The following MARK3 variants were observed in gnomAD, a reference collection of about 807,000 sequenced individuals.
MARK3 encodes microtubule affinity regulating kinase 3.
MARK3 carries 46 observed loss-of-function variants against 90.1 expected under a neutral mutation model. The observed-to-expected ratio is 0.51, with a 90% confidence interval of 0.40 to 0.65. MARK3 has a LOEUF of 0.65. Ranked by LOEUF, MARK3 falls within the 30% of genes least tolerant of loss-of-function variation. The pLI is 0.00. For synonymous variants in MARK3, 321 were observed against 332.6 expected, an observed-to-expected ratio of 0.97 and a Z score of 0.38; for missense variants, 818 against 947.2, an observed-to-expected ratio of 0.86 and a Z score of 1.79.
intron 2 of MARK3, among the ~76,000 whole-genome samples, chr14:103,405,748 A>ATT (rs869133624): frequency 1.2e-3 from 168 of 140,948 alleles, no homozygotes; most frequent in South Asian, 2.3e-3. Context: ...CACCACGCTA[A>ATT]TTTTTTTTTT....
chr14:103,479,878 G>C (rs918991770), intron 13 of MARK3, among the ~76,000 whole-genome samples: 3 of 152,080 alleles, frequency 2.0e-5, no homozygotes, highest in Non-Finnish European at 2.9e-5. Context: ...CACCTCAGGA[G>C]ATCCGCCCAC....
chr14:103,475,164 A>C lies in MARK3; in HGVS notation c.1436A>C (p.Asn479Thr), dbSNP rs747108602. ...ATGCTTGGGAATGCAAGTAATCCTA[A>C]TAAGGCGGATATTCCTGAACGCAAG... ...SPMLGNASNP[N>T]KADIPERKKS... Residue 479 changes from asparagine (N) to threonine (T), a missense_variant, in exon 13 of 18, where the codon AAT (asparagine) becomes ACT (threonine). Around this residue, in one of 3 missense-constraint regions of MARK3, gnomAD observed 560 missense variants for 613.5 expected, o/e 0.91. Transcript: ENST00000429436. 6.2e-7 allele frequency: 1 copy of C among 1,614,016 alleles called. No homozygotes were observed. Among genetic ancestry groups the C allele is most frequent in the South Asian group, 1.1e-5 (1 of 91,068 alleles).
At position 103,473,036 on chromosome 14, in the gene MARK3, G is replaced by C. The variant is rs1412487421; in HGVS notation, c.1265-1957G>C. ...AAAAAAAAAAGGAACAAACTATGAT[G>C]TGCACAACTCAGATGGATCTCAAGG... On this transcript the variant is annotated intron_variant, in intron 12 of 17. Coordinates refer to ENST00000429436, the MANE Select transcript of MARK3 (RefSeq NM_001128918.3). Among the ~76,000 whole-genome samples, 3 of 151,536 alleles carry C rather than the reference G, an allele frequency of 2.0e-5. 1 individual carries two copies. Among genetic ancestry groups the C allele is most frequent in the Admixed American group, 2.0e-4 (3 of 15,202 alleles).
intron 2 of MARK3, among the ~76,000 whole-genome samples, chr14:103,427,049 A>G (rs552847941): frequency 2.6e-5 from 4 of 151,120 alleles, no homozygotes; most frequent in African/African-American, 9.7e-5. Context: ...TCTGTGTATA[A>G]TCTCTCTCTC....
chr14:103,405,520 T>C (rs1220647203), intron 2 of MARK3, among the ~76,000 whole-genome samples: 4 of 152,050 alleles, frequency 2.6e-5, no homozygotes, highest in Non-Finnish European at 5.9e-5. Flanking sequence ...CCAGCTAATT[T>C]TTTGTAGAGA....
rs769693654 is a variant in MARK3, at chr14:103,468,196, G to A, written c.1264+10G>A. 9 of 1,611,622 alleles carry A rather than the reference G, an allele frequency of 5.6e-6. No homozygotes were observed. The highest frequency in any genetic ancestry group is 7.6e-6 in the Non-Finnish European group (9 of 1,178,886). ...CGCTACAGTGACCATGGTAAGTTTTGGAGTATCCCAGTGCCTTCTCTTAGA... is the reference window on the plus strand; with the variant it reads ...CGCTACAGTGACCATGGTAAGTTTTAGAGTATCCCAGTGCCTTCTCTTAGA... On this transcript the variant is annotated intron_variant, in intron 12 of 17. Coordinates refer to ENST00000429436, the MANE Select transcript of MARK3 (RefSeq NM_001128918.3).
At chr14:103,468,283 T>C in intron 12 of MARK3, 97 bp downstream of exon 12, 1 of 803,386 alleles carries the variant, frequency 1.2e-6, no homozygotes, top group Non-Finnish European at 1.8e-6. Flanking sequence ...TGGCTTGATG[T>C]CCTTTCTTGG....
chr14:103,393,762 C>CTT (rs36003065), intron 1 of MARK3, among the ~76,000 whole-genome samples: 32 of 145,476 alleles, frequency 2.2e-4, no homozygotes, highest in African/African-American at 5.3e-4. Flanking sequence ...CATTTTATTA[C>CTT]TTTTTTTTTT....
chr14:103,487,965 G>A (rs924719543), intron 14 of MARK3, among the ~76,000 whole-genome samples: 3 of 152,002 alleles, frequency 2.0e-5, no homozygotes, highest in East Asian at 3.9e-4. Context: ...GGAGAATGGC[G>A]TGAACCCAGG....
chr14:103,405,199 T>C lies in MARK3; in HGVS notation c.175T>C (p.Leu59=), dbSNP rs1356662099. 1.3e-6 allele frequency: 2 copies of C among 1,589,816 alleles called. No homozygotes were observed. The highest frequency in any genetic ancestry group is 2.7e-5 in the African/African-American group (2 of 73,396). ...ACCTCACATCGGAAACTACAGACTG[T>C]TGAAAACAATCGGCAAGGGGAATTT... ...EQPHIGNYRL[L]KTIGKGNFAK... The change falls in exon 2 of 18, where the codon TTG becomes CTG. Residue 59 remains leucine (L), a synonymous_variant. Coordinates refer to ENST00000429436, the MANE Select transcript of MARK3 (RefSeq NM_001128918.3).
chr14:103,492,694 T>TG (rs2094038350), intron 15 of MARK3, among the ~76,000 whole-genome samples: 1 of 152,340 alleles, frequency 6.6e-6, no homozygotes, highest in East Asian at 1.9e-4. Flanking sequence ...ATGTTCCATG[T>TG]GTCTAGTAGG....
At chr14:103,425,593 T>G (rs530019342) in intron 2 of MARK3, among the ~76,000 whole-genome samples, 8 of 152,208 alleles carry the variant, frequency 5.3e-5, no homozygotes, top group Non-Finnish European at 1.0e-4. Context: ...ATGTGCCAGT[T>G]AGGGCTATAA....
chr14:103,407,060 C>T (rs7156471), intron 2 of MARK3, among the ~76,000 whole-genome samples: 52,804 of 151,680 alleles, frequency 0.35, 9,676 homozygotes, highest in East Asian at 0.5. Flanking sequence ...GTCTCGATCT[C>T]ATCTCGTGAT....
chr14:103,460,651 A>G (rs1206902721), intron 6 of MARK3, among the ~76,000 whole-genome samples: 1 of 152,208 alleles, frequency 6.6e-6, no homozygotes, highest in African/African-American at 2.4e-5. Flanking sequence ...CTCTTTGAGA[A>G]AGGGCAGGAA....
intron 17 of MARK3, among the ~76,000 whole-genome samples, chr14:103,501,011 G>C (rs1349753174): frequency 6.6e-6 from 1 of 152,150 alleles, no homozygotes; most frequent in Non-Finnish European, 1.5e-5. Context: ...CCTTGTTCTA[G>C]GTCTCTTCCA....
At chr14:103,479,976 T>C (rs1273206001) in intron 13 of MARK3, among the ~76,000 whole-genome samples, 1 of 151,972 alleles carries the variant, frequency 6.6e-6, no homozygotes, top group East Asian at 1.9e-4. Flanking sequence ...CTATTGAAGG[T>C]GCCGATTTTA....
intron 12 of MARK3, among the ~76,000 whole-genome samples, chr14:103,470,509 G>A (rs2093607923): frequency 9.8e-6 from 1 of 102,264 alleles, no homozygotes; most frequent in Admixed American, 1.6e-4. Flanking sequence ...AGGCTGGAGT[G>A]CAATAGCGCG....
intron 13 of MARK3, among the ~76,000 whole-genome samples, chr14:103,479,048 T>G (rs147530789): frequency 2.0e-5 from 3 of 152,294 alleles, no homozygotes; most frequent in Non-Finnish European, 4.4e-5. Context: ...GAGGAGACGG[T>G]CTCACTCTGT....
chr14:103,500,672 C>A (rs1004135221), intron 17 of MARK3, among the ~76,000 whole-genome samples: 1 of 151,828 alleles, frequency 6.6e-6, no homozygotes, highest in Non-Finnish European at 1.5e-5. Context: ...CTCTGTCACC[C>A]AGTCTGGAGT....
Sources: gnomAD v4.1 joint callset for allele counts (sites outside exome capture counted in the v4.1 genomes callset) on GRCh38, gnomAD v4.1.1 for gene constraint, gnomAD v4.1.1 regional missense constraint, MANE v1.5 for transcripts, NCBI Gene and HGNC (gene_info 2026-07-23, HGNC 2026-07-21) for gene names.